Variants in ARPP21 observed in about 807,000 individuals in gnomAD.
ARPP21 encodes the protein cAMP regulated phosphoprotein 21, also known as cAMP-regulated phosphoprotein 21.
A neutral mutation model predicts 113.2 loss-of-function variants in ARPP21; 69 were observed. The ratio of observed to expected loss-of-function variants is 0.61; its 90% CI spans 0.50 to 0.74. ARPP21 has a LOEUF of 0.74. Among genes scored for constraint, ARPP21 ranks in the 30% least tolerant of loss-of-function variants. The pLI is 0.00. For synonymous variants in ARPP21, 368 were observed against 375.5 expected, an observed-to-expected ratio of 0.98 and a Z score of 0.23; for missense variants, 1,070 against 1,037.4, an observed-to-expected ratio of 1.03 and a Z score of -0.43.
chr3:35,644,546 C>T lies in ARPP21; in HGVS notation c.-213+4148C>T, dbSNP rs552530458. On this transcript the variant is annotated intron_variant, in intron 1 of 20. Transcript: ENST00000684406. ...CTGAAGATATTTTCTTTAGGCATGACATGCTCATATAACATTTTGAATGCA... is the reference window on the plus strand; with the variant it reads ...CTGAAGATATTTTCTTTAGGCATGATATGCTCATATAACATTTTGAATGCA... Among the ~76,000 whole-genome samples, 12 of 152,004 alleles carry T rather than the reference C, an allele frequency of 7.9e-5. No homozygotes were observed. In the South Asian group the frequency reaches 1.2e-3, roughly 16 times the overall value.
chr3:35,738,328 T>A lies in ARPP21; in HGVS notation c.1749+10T>A, dbSNP rs1378781308. On this transcript the variant is annotated intron_variant, in intron 17 of 20. Coordinates refer to ENST00000684406, the MANE Select transcript of ARPP21 (RefSeq NM_001385562.1). Reference sequence around the variant, plus strand: ...GCAGCACTTTCCCATGGTACTGTATTATGTGTATATGACTTTTTCCCCTAG... The same window carrying A: ...GCAGCACTTTCCCATGGTACTGTATAATGTGTATATGACTTTTTCCCCTAG... 1.3e-6 allele frequency: 2 copies of A among 1,509,238 alleles called. No homozygotes were observed. The highest frequency in any genetic ancestry group is 2.0e-5 in the Admixed American group (1 of 50,824). The allele number at this position is 1,509,238 out of a possible 1,614,324, so 93.5% of individuals were successfully genotyped here.
Position 35,690,106 on chromosome 3 carries a change from G to T in ARPP21, c.511G>T (p.Glu171Ter). ...GGACAGGATGATACTTTTGAAAATG[G>T]AGCAGGAAATTATTGATTTCATTGC... ...SRDRMILLKMEQEIIDFIADN... is the reference protein window; with the variant it reads ...SRDRMILLKM The change falls in exon 8 of 21, where the codon GAG (glutamate) becomes TAG (stop). Residue 171 changes from glutamate (E) to a stop codon, truncating the protein, a stop_gained. Coordinates refer to ENST00000684406, the MANE Select transcript of ARPP21 (RefSeq NM_001385562.1). LOFTEE classifies it high-confidence loss of function. The T allele has an allele frequency of 1.3e-6, 2 of 1,498,736 alleles. No homozygotes were observed. The highest frequency in any genetic ancestry group is 1.9e-6 in the Non-Finnish European group (2 of 1,076,540). 92.8% of individuals were successfully genotyped at this position (1,498,736 alleles called of 1,614,324 possible). A position where few individuals can be genotyped will look rare whatever the true frequency, so the allele number is the denominator to read the frequency against.
intron 19 of ARPP21, among the ~76,000 whole-genome samples, chr3:35,750,714 CA>C (rs1430830697): frequency 1.3e-5 from 2 of 152,146 alleles, no homozygotes; most frequent in African/African-American, 2.4e-5. Context: ...AATTTCAAGG[CA>C]AAAGTTGCCT....
At chr3:35,689,483 T>A in intron 7 of ARPP21, 98 bp downstream of exon 7, 1 of 681,314 alleles carries the variant, frequency 1.5e-6, no homozygotes, top group Non-Finnish European at 2.6e-6. Flanking sequence ...CATTGTGAAA[T>A]GCAGATACCT....
chr3:35,744,362 G>C (rs552105564), intron 19 of ARPP21: 2 of 401,598 alleles, frequency 5.0e-6, no homozygotes, highest in South Asian at 3.7e-5. Flanking sequence ...CGTGCTAAAA[G>C]ATACTGCCTT....
chr3:35,733,059 A>G (rs2094102141), intron 15 of ARPP21, among the ~76,000 whole-genome samples: 1 of 152,152 alleles, frequency 6.6e-6, no homozygotes, highest in Non-Finnish European at 1.5e-5. Flanking sequence ...TTTTTAAATA[A>G]TTACCTTTCT....
chr3:35,764,139 T>G (rs2151372462), intron 19 of ARPP21, among the ~76,000 whole-genome samples: 1 of 152,280 alleles, frequency 6.6e-6, no homozygotes, highest in African/African-American at 2.4e-5. Context: ...TAGTGTCTGT[T>G]CCTGCCTCAT....
At chr3:35,704,885 G>T (rs1355963657) in intron 9 of ARPP21, among the ~76,000 whole-genome samples, 1 of 151,944 alleles carries the variant, frequency 6.6e-6, no homozygotes, top group Non-Finnish European at 1.5e-5. Context: ...TTCTAATTCT[G>T]GTTAGTGCTT....
At chr3:35,766,707 G>T (rs1440923469) in intron 19 of ARPP21, among the ~76,000 whole-genome samples, 1 of 152,042 alleles carries the variant, frequency 6.6e-6, no homozygotes. Context: ...TTTATCATTT[G>T]CCAGAACAAT....
Position 35,737,183 on chromosome 3 carries a change from C to T in ARPP21, c.1465C>T (p.Pro489Ser). ...SILLNPHTGQ[P>S]FVNPDGTPAI... The stretch of plus-strand genomic sequence containing the variant: ...AAGTTCTGATTCCATTGCAGGCCAG[C>T]CCTTTGTGAATCCCGATGGAACTCC... The change falls in exon 16 of 21, where the codon CCC (proline) becomes TCC (serine). Residue 489 changes from proline (P) to serine (S), a missense_variant. Pro to Ser is a moderately conservative substitution (Grantham distance 74). Coordinates refer to ENST00000684406, the MANE Select transcript of ARPP21 (RefSeq NM_001385562.1). The T allele has an allele frequency of 1.2e-6, 2 of 1,603,712 alleles. No individual in the cohort carries two copies. Among genetic ancestry groups the T allele is most frequent in the South Asian group, 2.2e-5 (2 of 89,740 alleles).
chr3:35,783,316 T>C (rs1245353395), intron 19 of ARPP21, among the ~76,000 whole-genome samples: 1 of 152,194 alleles, frequency 6.6e-6, no homozygotes, highest in African/African-American at 2.4e-5. Flanking sequence ...TTTTTGCTCA[T>C]GTGTTTACCG....
chr3:35,681,675 C>A (rs889041457), intron 2 of ARPP21, 39 bp from the exon 3 acceptor site: 17 of 1,076,026 alleles, frequency 1.6e-5, no homozygotes, highest in Admixed American at 4.1e-5. Flanking sequence ...TAGTAAATAC[C>A]TTGCACTGAC....
intron 19 of ARPP21, chr3:35,792,155 T>C (rs1422429298): frequency 2.0e-6 from 1 of 507,488 alleles, no homozygotes; most frequent in Non-Finnish European, 3.5e-6. Context: ...TAGACCATTC[T>C]GCATAACAAT....
Position 35,690,941 on chromosome 3 carries a change from T to C in ARPP21, c.622T>C (p.Leu208=), listed in dbSNP as rs779482412. 7 of 1,610,746 alleles carry C rather than the reference T, an allele frequency of 4.3e-6. 1 individual carries two copies. The highest frequency in any genetic ancestry group is 5.1e-6 in the Non-Finnish European group (6 of 1,178,020). ...CCATCGAGTGGCAGCTTATTTTGGA[T>C]TGGATCACAATGTGGATCAAACAGG... ...LVHRVAAYFG[L]DHNVDQTGKS... is the part of the protein sequence containing the mutation. Residue 208 remains leucine (L), a synonymous_variant, in exon 9 of 21, where the codon TTG becomes CTG. Coordinates refer to ENST00000684406, the MANE Select transcript of ARPP21 (RefSeq NM_001385562.1).
chr3:35,736,728 G>A (rs1443195011), intron 15 of ARPP21, among the ~76,000 whole-genome samples: 2 of 152,168 alleles, frequency 1.3e-5, no homozygotes, highest in African/African-American at 4.8e-5. Context: ...CTTAGTAGCA[G>A]CAAAATAAAT....
At chr3:35,739,069 T>C (rs1234849032) in intron 17 of ARPP21, among the ~76,000 whole-genome samples, 1 of 152,242 alleles carries the variant, frequency 6.6e-6, no homozygotes, top group Non-Finnish European at 1.5e-5. Flanking sequence ...TTTGTTTCCA[T>C]TGAAAGAGAA....
intron 1 of ARPP21, among the ~76,000 whole-genome samples, chr3:35,674,870 G>A (rs1374660000): frequency 3.3e-5 from 5 of 151,824 alleles, no homozygotes; most frequent in Non-Finnish European, 7.4e-5. Context: ...AAAAGATAGC[G>A]GTCCTGTGAA....
At chr3:35,661,443 A>G (rs80027739) in intron 1 of ARPP21, among the ~76,000 whole-genome samples, 131 of 152,316 alleles carry the variant, frequency 8.6e-4, no homozygotes, top group African/African-American at 3.0e-3. Flanking sequence ...GTCATGGAAT[A>G]CTGCTCAGCA....
intron 14 of ARPP21, among the ~76,000 whole-genome samples, chr3:35,726,513 G>C (rs1334320191): frequency 6.6e-6 from 1 of 152,202 alleles, no homozygotes; most frequent in African/African-American, 2.4e-5. Flanking sequence ...CCAAATTTAG[G>C]TTTCCTTCCT....
Sources: gnomAD v4.1 joint callset for allele counts (sites outside exome capture counted in the v4.1 genomes callset) on GRCh38, gnomAD v4.1.1 for gene constraint, MANE v1.5 for transcripts, NCBI Gene and HGNC (gene_info 2026-07-23, HGNC 2026-07-21) for gene names.